SYT11: variants seen among roughly 807,000 people sequenced by gnomAD.
SYT11 encodes synaptotagmin-11.
Under a neutral mutation model 30.4 loss-of-function variants are expected in SYT11, and 12 were observed. The ratio of observed to expected loss-of-function variants is 0.39; its 90% CI spans 0.25 to 0.64. The LOEUF (loss-of-function observed/expected upper bound fraction) is 0.64, where lower values mean the gene tolerates loss of function less well. Among genes scored for constraint, SYT11 ranks in the 30% least tolerant of loss-of-function variants. The pLI is 0.45. For missense variants in SYT11, 412 were observed against 552.0 expected (o/e 0.75, Z 2.54); for synonymous variants, 204 against 216.0 (o/e 0.94, Z 0.49).
chr1:155,876,465 C>T (rs1672862806), intron 2 of SYT11, among the ~76,000 whole-genome samples: 1 of 151,662 alleles, frequency 6.6e-6, no homozygotes, highest in South Asian at 2.1e-4. Flanking sequence ...CCAGGATGGT[C>T]CCGATCTCCT....
intron 2 of SYT11, among the ~76,000 whole-genome samples, chr1:155,877,502 C>G (rs1672884072): frequency 6.6e-6 from 1 of 151,016 alleles, no homozygotes; most frequent in Admixed American, 6.6e-5. Context: ...GGGGCTCAAT[C>G]AGTCCTCCCA....
intron 1 of SYT11, among the ~76,000 whole-genome samples, chr1:155,866,013 T>G (rs1006186557): frequency 2.6e-5 from 4 of 151,788 alleles, no homozygotes; most frequent in Non-Finnish European, 4.4e-5. Flanking sequence ...CTCAATGAAC[T>G]TGAGGGAGCG....
chr1:155,866,772 A>G (rs1295077308), intron 1 of SYT11, among the ~76,000 whole-genome samples: 2 of 151,994 alleles, frequency 1.3e-5, no homozygotes, highest in African/African-American at 4.8e-5. Context: ...GTGACATTTG[A>G]GCAGAGATCT....
chr1:155,869,689 C>G (rs1308791470), intron 2 of SYT11, among the ~76,000 whole-genome samples: 1 of 152,156 alleles, frequency 6.6e-6, no homozygotes, highest in Non-Finnish European at 1.5e-5. Context: ...CCTGTCCTCC[C>G]TCTTTGTATT....
rs1444651662 is a variant in SYT11, at chr1:155,882,796, A to G, written c.*1288A>G. 6.6e-6 allele frequency: 1 copy of G among 152,296 alleles called. No individual in the cohort carries two copies. The highest frequency in any genetic ancestry group is 1.5e-5 in the Non-Finnish European group (1 of 68,042). 9.4% of individuals were successfully genotyped at this position (152,296 alleles called of 1,614,324 possible). A position where few individuals can be genotyped will look rare whatever the true frequency, so the allele number is the denominator to read the frequency against. On this transcript the variant is annotated 3_prime_UTR_variant, in exon 4 of 4. Coordinates refer to ENST00000368324, the MANE Select transcript of SYT11 (RefSeq NM_152280.5). The stretch of plus-strand genomic sequence containing the variant: ...TGGTTGATGGGTTGGAAGTCATCAG[A>G]GGTTTGAAGAATTACACTGGCCTTT...
chr1:155,867,797 G>C (rs1262097578), intron 1 of SYT11, among the ~76,000 whole-genome samples, 168 bp from the exon 2 acceptor site: 3 of 152,198 alleles, frequency 2.0e-5, no homozygotes, highest in African/African-American at 7.2e-5. Context: ...GAGGTTGGGA[G>C]AGGGTGCCTC....
At chr1:155,878,713 A>AAAAATTAG (rs1672910222) in intron 2 of SYT11, among the ~76,000 whole-genome samples, 1 of 151,590 alleles carries the variant, frequency 6.6e-6, no homozygotes, top group South Asian at 2.1e-4. Flanking sequence ...AAAATACAAA[A>AAAAATTAG]AAAATTAGCC....
Position 155,860,801 on chromosome 1 carries a change from T to C in SYT11, c.34+1006T>C, listed in dbSNP as rs906394772. On this transcript the variant is annotated intron_variant, in intron 1 of 3. Coordinates refer to ENST00000368324, the MANE Select transcript of SYT11 (RefSeq NM_152280.5). The surrounding 1 kb of genome is among the most constrained non-coding windows in gnomAD (Gnocchi z 4.1). Reference sequence around the variant, plus strand: ...GCAAAGACAAGCTTGAGAAGGAAGTTTTTTCCTCTTTGGGGACTCCTGCAG... The same window carrying C: ...GCAAAGACAAGCTTGAGAAGGAAGTCTTTTCCTCTTTGGGGACTCCTGCAG... Among the ~76,000 whole-genome samples, 2 of 152,084 alleles carry C rather than the reference T, an allele frequency of 1.3e-5. No individual in the cohort carries two copies. The highest frequency in any genetic ancestry group is 2.9e-5 in the Non-Finnish European group (2 of 68,016).
At chr1:155,878,566 C>A (rs919149924) in intron 2 of SYT11, among the ~76,000 whole-genome samples, 22 of 152,140 alleles carry the variant, frequency 1.4e-4, no homozygotes, top group African/African-American at 5.3e-4. Flanking sequence ...GCTGGTAAAG[C>A]CTTCCCTGAA....
Position 155,860,243 on chromosome 1 carries a change from T to C in SYT11, c.34+448T>C, listed in dbSNP as rs1475165729. On this transcript the variant is annotated intron_variant, in intron 1 of 3. Coordinates refer to ENST00000368324, the MANE Select transcript of SYT11 (RefSeq NM_152280.5). The surrounding 1 kb of genome is among the most constrained non-coding windows in gnomAD (Gnocchi z 4.1). ...TGACAAGGGGGATGGGGCATCAAGATGGCAGCTTGGAGACTGTGGGCCGTG... is the reference window on the plus strand; with the variant it reads ...TGACAAGGGGGATGGGGCATCAAGACGGCAGCTTGGAGACTGTGGGCCGTG... Among the ~76,000 whole-genome samples, 1 of 151,134 alleles carries C rather than the reference T, an allele frequency of 6.6e-6. No individual in the cohort carries two copies. Among genetic ancestry groups the C allele is most frequent in the Non-Finnish European group, 1.5e-5 (1 of 67,856 alleles).
At chr1:155,865,088 C>T (rs1222784728) in intron 1 of SYT11, among the ~76,000 whole-genome samples, 5 of 152,058 alleles carry the variant, frequency 3.3e-5, no homozygotes, top group Admixed American at 6.6e-5. Context: ...TACTACATGC[C>T]GCATAGTTCT....
At position 155,874,229 on chromosome 1, in the gene SYT11, G is replaced by A. The variant is rs140101383; in HGVS notation, c.861+5438G>A. Among the ~76,000 whole-genome samples, 613 of 152,192 alleles carry A rather than the reference G, an allele frequency of 4.0e-3. 5 individuals carry two copies. Among genetic ancestry groups the A allele is most frequent in the African/African-American group, 0.014 (578 of 41,526 alleles). Reference sequence around the variant, plus strand: ...GTGGGGGTTACCGTGAGCTGAGATCGTGCCACTGCACTCCAACCTGGGTGA... The same window carrying A: ...GTGGGGGTTACCGTGAGCTGAGATCATGCCACTGCACTCCAACCTGGGTGA... On this transcript the variant is annotated intron_variant, in intron 2 of 3. Transcript: ENST00000368324.
At chr1:155,865,420 G>C (rs759796892) in intron 1 of SYT11, among the ~76,000 whole-genome samples, 61 of 152,142 alleles carry the variant, frequency 4.0e-4, no homozygotes, top group Non-Finnish European at 7.1e-4. Context: ...TTGCGGTTAG[G>C]AGTTCGAGAC....
In SYT11 at chr1:155,876,234, C is replaced by CT. The variant is rs1405283911; in HGVS notation, c.862-4266_862-4265insT. Among the ~76,000 whole-genome samples the CT allele has an allele frequency of 4.2e-4, 49 of 117,514 alleles. 1 individual carries two copies. The highest frequency in any genetic ancestry group is 1.4e-3 in the African/African-American group (49 of 34,328). 77.1% of individuals were successfully genotyped at this position (117,514 alleles called of 152,430 possible). On this transcript the variant is annotated intron_variant, in intron 2 of 3. Transcript: ENST00000368324. ...TTCTACATTCCTCAAAACTCACCTC[C>CT]CTTTTTTTTTTTTTTTTTTTTTTTC...
At chr1:155,869,269 T>A (rs1672744431) in intron 2 of SYT11, among the ~76,000 whole-genome samples, 1 of 138,606 alleles carries the variant, frequency 7.2e-6, no homozygotes, top group African/African-American at 2.7e-5. Flanking sequence ...ATGTCTTTTT[T>A]TTTTTTTTTT....
Position 155,868,403 on chromosome 1 carries a change from T to C in SYT11, c.473T>C (p.Leu158Pro). 1 of 1,613,858 alleles carries C rather than the reference T, an allele frequency of 6.2e-7. No individual in the cohort carries two copies. The highest frequency in any genetic ancestry group is 2.2e-5 in the East Asian group (1 of 44,866). ...SPSSPEEDVM[L>P]GSLTFSVDYN... Reference sequence around the variant, plus strand: ...TCATCTCCAGAGGAGGATGTCATGCTAGGATCCCTCACCTTCTCAGTGGAC... The same window carrying C: ...TCATCTCCAGAGGAGGATGTCATGCCAGGATCCCTCACCTTCTCAGTGGAC... Residue 158 changes from leucine (L) to proline (P), a missense_variant, in exon 2 of 4, where the codon CTA becomes CCA. Leu to Pro is a moderately conservative substitution (Grantham distance 98). Coordinates refer to ENST00000368324, the MANE Select transcript of SYT11 (RefSeq NM_152280.5). This position sits in a 1 kb window ranked among gnomAD's most constrained non-coding sequence, Gnocchi z 4.7.
chr1:155,877,645 C>T (rs1021805727), intron 2 of SYT11, among the ~76,000 whole-genome samples: 1 of 152,078 alleles, frequency 6.6e-6, no homozygotes, highest in African/African-American at 2.4e-5. Flanking sequence ...GCTCCGCCTC[C>T]CGGGTTCACG....
chr1:155,866,932 A>C (rs571223157), intron 1 of SYT11, among the ~76,000 whole-genome samples: 1 of 151,146 alleles, frequency 6.6e-6, no homozygotes, highest in South Asian at 2.1e-4. Flanking sequence ...ACACACATAT[A>C]TACATATATA....
In SYT11 at chr1:155,882,246, T is replaced by C. The variant is rs937276758; in HGVS notation, c.*738T>C. On this transcript the variant is annotated 3_prime_UTR_variant, in exon 4 of 4. Coordinates refer to ENST00000368324, the MANE Select transcript of SYT11 (RefSeq NM_152280.5). ...ATTACCTGAAATTGGCTTCTTTTTATTGGGCTTCTCTGGAGAATTTCTCCC... is the reference window on the plus strand; with the variant it reads ...ATTACCTGAAATTGGCTTCTTTTTACTGGGCTTCTCTGGAGAATTTCTCCC... 6.6e-6 allele frequency: 1 copy of C among 152,352 alleles called. No individual in the cohort carries two copies. Among genetic ancestry groups the C allele is most frequent in the Non-Finnish European group, 1.5e-5 (1 of 68,044 alleles). The allele number at this position is 152,352 out of a possible 1,614,324, so 9.4% of individuals were successfully genotyped here.
Sources: gnomAD v4.1 joint callset for allele counts (sites outside exome capture counted in the v4.1 genomes callset) on GRCh38, gnomAD v4.1.1 for gene constraint, Gnocchi (gnomAD v3.1) non-coding constraint, MANE v1.5 for transcripts, NCBI Gene and HGNC (gene_info 2026-07-23, HGNC 2026-07-21) for gene names.